SLC16A12: variants seen among roughly 807,000 people sequenced by gnomAD.
The protein encoded by SLC16A12 is solute carrier family 16 member 12.
SLC16A12 carries 17 observed loss-of-function variants against 42.4 expected under a neutral mutation model. The ratio of observed to expected loss-of-function variants is 0.40; its 90% confidence interval spans 0.27 to 0.60. SLC16A12 has a LOEUF of 0.60. Among genes scored for constraint, SLC16A12 ranks in the 20% least tolerant of loss-of-function variants. SLC16A12 has a pLI of 0.42. For missense variants in SLC16A12, 544 were observed against 623.0 expected (o/e 0.87, Z 1.35); for synonymous variants, 224 against 229.4 (o/e 0.98, Z 0.21).
intron 3 of SLC16A12, among the ~76,000 whole-genome samples, chr10:89,455,194 T>C (rs2133725755): frequency 6.6e-6 from 1 of 152,248 alleles, no homozygotes; most frequent in African/African-American, 2.4e-5. Context: ...ATGCAGAAGC[T>C]GGAGATGTAA....
Position 89,441,241 on chromosome 10 carries a change from C to T in SLC16A12, c.315G>A (p.Gly105=). ...DCVTMLCAPL[G]SVVSNHLSCQ... ...AGGATAAATGGTTACTGACAACACT[C>T]CCAAGTGGAGCTTCAAAAACAATAA... is the stretch of plus-strand genomic sequence containing the variant. Residue 105 remains glycine (G), a synonymous_variant, in exon 5 of 8, where the codon GGG becomes GGA. Transcript: ENST00000371790. 1 of 1,614,068 alleles carries T rather than the reference C, an allele frequency of 6.2e-7. No individual in the cohort carries two copies. The highest frequency in any genetic ancestry group is 8.5e-7 in the Non-Finnish European group (1 of 1,179,978).
chr10:89,525,062 C>A (rs1233790913), intron 2 of SLC16A12, among the ~76,000 whole-genome samples: 41 of 150,700 alleles, frequency 2.7e-4, no homozygotes, highest in Admixed American at 2.3e-3. Context: ...TACTAAAATA[C>A]AAAAAAAAAT....
intron 2 of SLC16A12, among the ~76,000 whole-genome samples, chr10:89,547,932 G>A (rs1374726812): frequency 7.2e-6 from 1 of 139,484 alleles, no homozygotes; most frequent in Non-Finnish European, 1.5e-5. Context: ...AGGTTGCAGT[G>A]AGCCTAGATC....
intron 2 of SLC16A12, among the ~76,000 whole-genome samples, chr10:89,518,136 A>T (rs1252085439): frequency 2.6e-5 from 4 of 152,212 alleles, no homozygotes; most frequent in Non-Finnish European, 5.9e-5. Flanking sequence ...AAAAACAGAG[A>T]TAAACAAGAG....
intron 6 of SLC16A12, among the ~76,000 whole-genome samples, chr10:89,436,914 A>AGGAAAGAAAAAG (rs1554825781): frequency 1.5e-5 from 2 of 136,462 alleles, no homozygotes; most frequent in African/African-American, 5.7e-5. Context: ...GAAAGAAAGA[A>AGGAAAGAAAAAG]AAAGAAAGAG....
At chr10:89,504,525 G>A (rs1297603453) in intron 2 of SLC16A12, among the ~76,000 whole-genome samples, 5 of 152,040 alleles carry the variant, frequency 3.3e-5, no homozygotes, top group Admixed American at 6.6e-5. Flanking sequence ...TAGATTTTCC[G>A]CTTTTTCCAA....
intron 5 of SLC16A12, 26 bp downstream of exon 5, chr10:89,441,082 A>G (rs1841900429): frequency 5.6e-6 from 9 of 1,613,456 alleles, no homozygotes; most frequent in Non-Finnish European, 7.6e-6. Flanking sequence ...GAGTGGGGTG[A>G]GACAGGTGGT....
chr10:89,462,670 A>C, intron 2 of SLC16A12, 46 bp from the exon 3 acceptor site: 1 of 1,481,058 alleles, frequency 6.8e-7, no homozygotes, highest in Non-Finnish European at 8.9e-7. Context: ...TGCTATGTCC[A>C]AAGGTTGATT....
rs901652525 is a variant in SLC16A12, at chr10:89,438,862, G to C, written c.770C>G (p.Ser257Cys). The C allele has an allele frequency of 6.2e-7, 1 of 1,614,060 alleles. No individual in the cohort carries two copies. The highest frequency in any genetic ancestry group is 1.3e-5 in the African/African-American group (1 of 74,938). ...AGTCTGTGCCCATTCTTTGGTCAAA[G>C]ATGAATAGGGAGACACCCGCTTAAT... The part of the protein sequence containing the change: ...EDIKRVSPYS[S>C]LTKEWAQTCL... The change falls in exon 6 of 8, where the codon TCT becomes TGT. Residue 257 changes from serine (S) to cysteine (C), a missense_variant. Coordinates refer to ENST00000371790, the MANE Select transcript of SLC16A12 (RefSeq NM_213606.4).
At position 89,486,609 on chromosome 10, in the gene SLC16A12, AAGAAAGAAAGAAAGAAAGAAAGAAAG is replaced by A. The variant is rs1564585811; in HGVS notation, c.-46-24011_-46-23986del. Among the ~76,000 whole-genome samples, 345 of 70,038 alleles carry A rather than the reference AAGAAAGAAAGAAAGAAAGAAAGAAAG, an allele frequency of 4.9e-3. 8 individuals carry two copies. Among genetic ancestry groups the A allele is most frequent in the African/African-American group, 0.024 (323 of 13,744 alleles). The allele number at this position is 70,038 out of a possible 152,430, so 45.9% of individuals were successfully genotyped here. ...CTTGTCTCAAAAAAAAAAAAAAAGA[AAGAAAGAAAGAAAGAAAGAAAGAAAG>A]AAAGAAAGAAAGAAAGAAAGAAAGA... On this transcript the variant is annotated intron_variant, in intron 2 of 7. Coordinates refer to ENST00000371790, the MANE Select transcript of SLC16A12 (RefSeq NM_213606.4).
chr10:89,461,392 G>A (rs974843291), intron 3 of SLC16A12, among the ~76,000 whole-genome samples: 1 of 152,098 alleles, frequency 6.6e-6, no homozygotes, highest in Admixed American at 6.5e-5. Context: ...ATGAGCCCTA[G>A]GGAGCCAAGA....
At chr10:89,552,216 G>A (rs1002732225) in intron 2 of SLC16A12, among the ~76,000 whole-genome samples, 4 of 152,196 alleles carry the variant, frequency 2.6e-5, no homozygotes, top group Admixed American at 2.6e-4. Context: ...TTACAGGCGT[G>A]AGCCACTCAC....
At chr10:89,465,302 A>T (rs758675338) in intron 2 of SLC16A12, among the ~76,000 whole-genome samples, 3 of 152,228 alleles carry the variant, frequency 2.0e-5, no homozygotes, top group Non-Finnish European at 2.9e-5. Flanking sequence ...CCTTGGTATA[A>T]ATTCATAAAC....
chr10:89,441,519 A>G (rs532899602), intron 4 of SLC16A12, among the ~76,000 whole-genome samples: 72 of 152,310 alleles, frequency 4.7e-4, no homozygotes, highest in African/African-American at 1.7e-3. Context: ...TAATGGCAGG[A>G]CGGTAGGGTG....
chr10:89,533,793 G>T (rs891705439), intron 2 of SLC16A12, among the ~76,000 whole-genome samples: 2 of 150,612 alleles, frequency 1.3e-5, no homozygotes, highest in Non-Finnish European at 3.0e-5. Flanking sequence ...AAAGCAATTT[G>T]ATTAAATCAA....
At chr10:89,499,863 G>A (rs1842970049) in intron 2 of SLC16A12, among the ~76,000 whole-genome samples, 1 of 152,114 alleles carries the variant, frequency 6.6e-6, no homozygotes, top group South Asian at 2.1e-4. Flanking sequence ...CAAAAGGATG[G>A]TTCTCTGAAA....
intron 2 of SLC16A12, among the ~76,000 whole-genome samples, chr10:89,524,839 T>C (rs1329071453): frequency 6.6e-6 from 1 of 152,232 alleles, no homozygotes; most frequent in Non-Finnish European, 1.5e-5. Context: ...AATCACAATA[T>C]TTTTTGTTAG....
chr10:89,508,012 C>T (rs552576824), intron 2 of SLC16A12, among the ~76,000 whole-genome samples: 3 of 152,186 alleles, frequency 2.0e-5, no homozygotes, highest in Admixed American at 6.5e-5. Context: ...CGGGATCAAT[C>T]GACAAGAAGA....
intron 3 of SLC16A12, among the ~76,000 whole-genome samples, chr10:89,452,983 A>G (rs1242062780): frequency 3.9e-5 from 6 of 152,212 alleles, no homozygotes; most frequent in Non-Finnish European, 7.3e-5. Context: ...CCCTGCAGCT[A>G]AGGCCAAATG....
Sources: allele counts gnomAD v4.1 joint callset (sites outside exome capture counted in the v4.1 genomes callset), GRCh38; gene constraint gnomAD v4.1.1; transcripts MANE v1.5; gene names NCBI Gene and HGNC (gene_info 2026-07-23, HGNC 2026-07-21).